The following AGO4 variants were observed in gnomAD, a reference collection of about 807,000 sequenced individuals.
The protein encoded by AGO4 is argonaute RISC component 4, also known as protein argonaute-4.
A neutral mutation model predicts 104.7 loss-of-function variants in AGO4; 33 were observed. The ratio of observed to expected loss-of-function variants is 0.32; its 90% confidence interval spans 0.24 to 0.42. The LOEUF (loss-of-function observed/expected upper bound fraction) is 0.42. AGO4 is among the 10% of genes least tolerant of loss of function. The pLI is 1.00. For missense variants in AGO4, 711 were observed against 1,083.4 expected, an observed-to-expected ratio of 0.66 and a Z score of 4.83; for synonymous variants, 331 against 364.7, an observed-to-expected ratio of 0.91 and a Z score of 1.05.
intron 1 of AGO4, among the ~76,000 whole-genome samples, chr1:35,814,886 G>T (rs1643640911): frequency 1.3e-5 from 2 of 152,012 alleles, no homozygotes; most frequent in Non-Finnish European, 2.9e-5. Context: ...ACTTCTTTTT[G>T]TTGTTGTTTT....
chr1:35,833,677 G>A (rs764326538), intron 11 of AGO4, among the ~76,000 whole-genome samples: 11 of 152,172 alleles, frequency 7.2e-5, no homozygotes, highest in Admixed American at 2.6e-4. Context: ...TTATTGATTC[G>A]AATGTTTAAA....
chr1:35,829,584 C>T (rs1644124994), intron 7 of AGO4, among the ~76,000 whole-genome samples: 2 of 152,166 alleles, frequency 1.3e-5, no homozygotes, highest in Admixed American at 1.3e-4. Flanking sequence ...GCCTCTAAAT[C>T]CCAGCATTTT....
intron 15 of AGO4, among the ~76,000 whole-genome samples, chr1:35,844,476 A>G (rs1167606077): frequency 6.6e-6 from 1 of 152,120 alleles, no homozygotes; most frequent in Non-Finnish European, 1.5e-5. Flanking sequence ...ACTCTTCTCA[A>G]GTCCCCTACC....
chr1:35,817,939 G>C (rs1404618253), intron 2 of AGO4, among the ~76,000 whole-genome samples: 2 of 152,132 alleles, frequency 1.3e-5, no homozygotes, highest in African/African-American at 4.8e-5. Flanking sequence ...GCCAGGTATT[G>C]CCCTGTGCTC....
chr1:35,843,553 T>C (rs2148680775), intron 15 of AGO4, among the ~76,000 whole-genome samples: 2 of 152,132 alleles, frequency 1.3e-5, no homozygotes, highest in African/African-American at 2.4e-5. Flanking sequence ...CTCTGTAACA[T>C]ACACATATAA....
chr1:35,828,713 G>T (rs911441545), intron 7 of AGO4, among the ~76,000 whole-genome samples: 1 of 151,932 alleles, frequency 6.6e-6, no homozygotes. Context: ...TAGAGACAGG[G>T]TTCCTCTATG....
rs992786153 is a variant in AGO4, at chr1:35,841,436, A to T, written c.1996A>T (p.Ile666Phe). The change falls in exon 14 of 18, where the codon ATC becomes TTC. Residue 666 changes from isoleucine to phenylalanine, a missense_variant. Transcript: ENST00000373210. This position sits in a 1 kb window ranked among gnomAD's most constrained non-coding sequence, Gnocchi z 4.7. ...ATCCACACGCTTCAAACCCACTCGG[A>T]TCATCTATTACCGTGGAGGGGTATC... ...YKSTRFKPTR[I>F]IYYRGGVSEG... 6.8e-6 allele frequency: 11 copies of T among 1,614,162 alleles called. No individual in the cohort carries two copies. The highest frequency in any genetic ancestry group is 8.5e-6 in the Non-Finnish European group (10 of 1,180,014).
chr1:35,815,443 G>A (rs909801295), intron 1 of AGO4, among the ~76,000 whole-genome samples: 5 of 152,164 alleles, frequency 3.3e-5, no homozygotes, highest in African/African-American at 1.2e-4. Flanking sequence ...ATTAATAGAT[G>A]TTCAAATCTT....
In AGO4 at chr1:35,855,683, C is replaced by A. The variant is rs1349061326; in HGVS notation, c.*2078C>A. On this transcript the variant is annotated 3_prime_UTR_variant, in exon 18 of 18. Coordinates refer to ENST00000373210, the MANE Select transcript of AGO4 (RefSeq NM_017629.4). ...TTTTTTTTTTTTTGCAAATACCTCA[C>A]TTGGATAATACAAATCAGGACATGT... The A allele has an allele frequency of 6.9e-6, 1 of 144,388 alleles. No individual in the cohort carries two copies. Among genetic ancestry groups the A allele is most frequent in the African/African-American group, 2.6e-5 (1 of 38,558 alleles). 8.9% of individuals were successfully genotyped at this position (144,388 alleles called of 1,614,324 possible).
intron 11 of AGO4, among the ~76,000 whole-genome samples, chr1:35,833,291 TA>T (rs1372986111): frequency 6.7e-6 from 1 of 148,516 alleles, no homozygotes; most frequent in Non-Finnish European, 1.5e-5. Flanking sequence ...AAAATAAAAA[TA>T]AAAAAATAAA....
At chr1:35,837,385 G>T (rs1016653534) in intron 13 of AGO4, among the ~76,000 whole-genome samples, 46 of 141,274 alleles carry the variant, frequency 3.3e-4, no homozygotes, top group African/African-American at 1.2e-3. Flanking sequence ...CGCCTGGCCT[G>T]TTTTTTTTTT....
chr1:35,822,724 C>A lies in AGO4; in HGVS notation c.186-138C>A, dbSNP rs1283019000. On this transcript the variant is annotated intron_variant, in intron 2 of 17. Transcript: ENST00000373210. ...CTTTAGTTAACTATTTTTTAAAGTACTCGAATCAATTGTAACCTTAACTCT... is the reference window on the plus strand; with the variant it reads ...CTTTAGTTAACTATTTTTTAAAGTAATCGAATCAATTGTAACCTTAACTCT... 4.8e-6 allele frequency: 5 copies of A among 1,046,370 alleles called. No homozygotes were observed. In the Admixed American group the frequency reaches 1.1e-4, roughly 23 times the overall value. 64.8% of individuals were successfully genotyped at this position (1,046,370 alleles called of 1,614,324 possible). A position where few individuals can be genotyped will look rare whatever the true frequency, so the allele number is the denominator to read the frequency against.
Position 35,821,571 on chromosome 1 carries a change from A to G in AGO4, c.186-1291A>G, listed in dbSNP as rs570238991. Among the ~76,000 whole-genome samples the G allele has an allele frequency of 9.2e-5, 14 of 152,386 alleles. No homozygotes were observed. The South Asian group carries it at 2.1e-3, about 23-fold the overall frequency. ...CGGCCTGCATACAGTGTGATCTGGC[A>G]TATATGCAAGAACACTTAAGTAAAG... is the stretch of plus-strand genomic sequence containing the variant. On this transcript the variant is annotated intron_variant, in intron 2 of 17. Coordinates refer to ENST00000373210, the MANE Select transcript of AGO4 (RefSeq NM_017629.4).
Position 35,841,540 on chromosome 1 carries a change from C to T in AGO4, c.2040+60C>T, listed in dbSNP as rs1644442881. 2 of 1,606,960 alleles carry T rather than the reference C, an allele frequency of 1.2e-6. No homozygotes were observed. On this transcript the variant is annotated intron_variant, in intron 14 of 17. Transcript: ENST00000373210. The surrounding 1 kb of genome is among the most constrained non-coding windows in gnomAD (Gnocchi z 4.7). ...CTAGGAGTCTGAGGGAGATTCCTCTCATCTACCATTCTGGGTAGATCTGAG... is the reference window on the plus strand; with the variant it reads ...CTAGGAGTCTGAGGGAGATTCCTCTTATCTACCATTCTGGGTAGATCTGAG...
chr1:35,820,812 T>C (rs1049140451), intron 2 of AGO4, among the ~76,000 whole-genome samples: 3 of 152,202 alleles, frequency 2.0e-5, no homozygotes, highest in Admixed American at 6.6e-5. Context: ...CAAAGGCTTA[T>C]TGTGGGACAA....
chr1:35,832,585 AT>A lies in AGO4; in HGVS notation c.1379+19del, dbSNP rs911607043. 3 of 1,611,376 alleles carry A rather than the reference AT, an allele frequency of 1.9e-6. No individual in the cohort carries two copies. In the African/African-American group the frequency reaches 4.0e-5, roughly 22 times the overall value. On this transcript the variant is annotated intron_variant, in intron 11 of 17. Coordinates refer to ENST00000373210, the MANE Select transcript of AGO4 (RefSeq NM_017629.4). ...GATTTACTAAAGTGAGTATCTTCATATTTTCAGCTTAGTAATATCCCTTCCA... is the reference window on the plus strand; with the variant it reads ...GATTTACTAAAGTGAGTATCTTCATATTTCAGCTTAGTAATATCCCTTCCA...
chr1:35,841,681 A>G lies in AGO4; in HGVS notation c.2106A>G (p.Pro702=), dbSNP rs1473730519. 2 of 1,613,734 alleles carry G rather than the reference A, an allele frequency of 1.2e-6. No individual in the cohort carries two copies. The highest frequency in any genetic ancestry group is 2.2e-5 in the South Asian group (2 of 91,064). The part of the protein sequence containing the change: ...ACISLEEDYR[P]GITYIVVQKR... ...TTAGCTTGGAAGAAGATTACCGGCC[A>G]GGAATAACTTATATTGTGGTGCAAA... The change falls in exon 15 of 18, where the codon CCA becomes CCG. Residue 702 remains proline (P), a synonymous_variant. Transcript: ENST00000373210. The surrounding 1 kb of genome is among the most constrained non-coding windows in gnomAD (Gnocchi z 4.7).
chr1:35,825,552 A>G, intron 4 of AGO4, 58 bp downstream of exon 4: 5 of 1,563,402 alleles, frequency 3.2e-6, no homozygotes, highest in South Asian at 1.2e-5. Flanking sequence ...GGTAGGTTGT[A>G]CTGGAGCCAT....
Position 35,832,193 on chromosome 1 carries a change from T to C in AGO4, c.1245+8T>C. On this transcript the variant is annotated splice_region_variant and intron_variant, in intron 10 of 17. Coordinates refer to ENST00000373210, the MANE Select transcript of AGO4 (RefSeq NM_017629.4). ...CTGCAATATGGAGGCCGGGTAAGCTTTTTATTTTATTCAGCAAGCTTCTTC... is the reference window on the plus strand; with the variant it reads ...CTGCAATATGGAGGCCGGGTAAGCTCTTTATTTTATTCAGCAAGCTTCTTC... The C allele has an allele frequency of 6.2e-7, 1 of 1,609,482 alleles. No individual in the cohort carries two copies. Among genetic ancestry groups the C allele is most frequent in the South Asian group, 1.1e-5 (1 of 90,006 alleles).
Sources: allele counts gnomAD v4.1 joint callset (sites outside exome capture counted in the v4.1 genomes callset), GRCh38; gene constraint gnomAD v4.1.1; non-coding constraint Gnocchi (gnomAD v3.1); transcripts MANE v1.5; gene names NCBI Gene and HGNC (gene_info 2026-07-23, HGNC 2026-07-21).